SLC1A6: variants seen among roughly 807,000 people sequenced by gnomAD.
SLC1A6 encodes solute carrier family 1 member 6.
In SLC1A6, 15 loss-of-function variants were observed where a neutral mutation model predicts 42.1. That is an observed-to-expected ratio of 0.36 (90% CI 0.24 to 0.55). SLC1A6 has a LOEUF of 0.55. SLC1A6 is among the 20% of genes least tolerant of loss of function. The probability of loss-of-function intolerance (pLI) is 0.88; values close to 1 mark genes in which losing one functional copy is unlikely to be tolerated. For synonymous variants in SLC1A6, 317 were observed against 319.7 expected (o/e 0.99, Z 0.09); for missense variants, 542 against 772.5 (o/e 0.70, Z 3.54).
At chr19:14,995,374 AGGG>A (rs2045841144) in intron 1 of SLC1A6, among the ~76,000 whole-genome samples, 6 of 147,962 alleles carry the variant, frequency 4.1e-5, no homozygotes, top group African/African-American at 1.2e-4. Context: ...AGAAAAGGGA[AGGG>A]AAGGGAAGGG....
intron 1 of SLC1A6, among the ~76,000 whole-genome samples, chr19:15,004,015 G>C (rs188029819): frequency 1.3e-5 from 2 of 152,038 alleles, no homozygotes; most frequent in African/African-American, 2.4e-5. Flanking sequence ...AATTAGCTGG[G>C]CGTGGTGGTG....
intron 1 of SLC1A6, chr19:14,978,199 C>T (rs1259718520): frequency 6.6e-6 from 1 of 152,152 alleles, no homozygotes; most frequent in African/African-American, 2.4e-5. Context: ...TGGGTCTTTC[C>T]CACTTGGTTC....
chr19:14,965,843 C>T (rs1226477731), intron 4 of SLC1A6, among the ~76,000 whole-genome samples: 1 of 98,918 alleles, frequency 1.0e-5, no homozygotes, highest in African/African-American at 4.5e-5. Context: ...GAGTGAGACT[C>T]TGTTTCAAAA....
In SLC1A6 at chr19:14,956,610, G is replaced by A. The variant is rs201863659; in HGVS notation, c.1035C>T (p.Thr345=). 18 of 1,613,714 alleles carry A rather than the reference G, an allele frequency of 1.1e-5. No individual in the cohort carries two copies. In the Middle Eastern group the frequency reaches 4.9e-4, roughly 44 times the overall value. The change falls in exon 7 of 10, where the codon ACC becomes ACT. Residue 345 remains threonine, a synonymous_variant. Coordinates refer to ENST00000594383, the MANE Select transcript of SLC1A6 (RefSeq NM_005071.3). ...LGGQLGMYTL[T]VIVGLFLHAG... ...CATGGAGGAACAGGCCCACGATGAC[G>A]GTCAGGGTGTACATGCCCAGCTGAC...
intron 1 of SLC1A6, among the ~76,000 whole-genome samples, chr19:15,001,244 G>A (rs1188069786): frequency 6.6e-6 from 1 of 152,152 alleles, no homozygotes; most frequent in Non-Finnish European, 1.5e-5. Flanking sequence ...ATTCTAGAGA[G>A]GGAAGGAAAA....
At chr19:14,976,480 A>T (rs1051133391) in intron 1 of SLC1A6, among the ~76,000 whole-genome samples, 1 of 152,224 alleles carries the variant, frequency 6.6e-6, no homozygotes, top group African/African-American at 2.4e-5. Context: ...CACACATACA[A>T]CTGGAGGCCA....
chr19:14,976,252 A>G (rs1446590300), intron 1 of SLC1A6, among the ~76,000 whole-genome samples: 1 of 152,238 alleles, frequency 6.6e-6, no homozygotes. Flanking sequence ...AATATTCGCA[A>G]TCGCCTAGAT....
chr19:14,963,424 T>C (rs1429679698), intron 5 of SLC1A6, among the ~76,000 whole-genome samples: 2 of 152,190 alleles, frequency 1.3e-5, no homozygotes, highest in Admixed American at 1.3e-4. Context: ...ATTGTGTATT[T>C]GAAAATCACC....
intron 3 of SLC1A6, 64 bp from the exon 4 acceptor site, chr19:14,968,571 C>T (rs2045601045): frequency 4.4e-6 from 6 of 1,359,648 alleles, no homozygotes; most frequent in Non-Finnish European, 5.0e-6. Context: ...CTCCTAGCAT[C>T]CGTTCCACCC....
chr19:14,962,047 T>A lies in SLC1A6; in HGVS notation c.890A>T (p.Asp297Val), dbSNP rs917967748. Residue 297 changes from aspartate to valine, a missense_variant, in exon 6 of 10, where the codon GAC (aspartate) becomes GTC (valine). Coordinates refer to ENST00000594383, the MANE Select transcript of SLC1A6 (RefSeq NM_005071.3). ...CCTCATAATAGCCTCATTGAGGCTG[T>A]CGAAGAAGTCCCTGAGGACTCTGCC... Reference protein sequence around the residue: ...HKGRVLRDFFDSLNEAIMRLV... With the variant: ...HKGRVLRDFFVSLNEAIMRLV... The A allele has an allele frequency of 1.2e-6, 2 of 1,614,010 alleles. No homozygotes were observed. Among genetic ancestry groups the A allele is most frequent in the African/African-American group, 2.7e-5 (2 of 74,914 alleles).
chr19:14,983,529 A>C (rs1040212933), upstream of SLC1A6, among the ~76,000 whole-genome samples: 7 of 151,768 alleles, frequency 4.6e-5, no homozygotes, highest in Admixed American at 1.3e-4. Flanking sequence ...TCTCCACAAA[A>C]AATTTTAAAA....
In SLC1A6 at chr19:14,955,273, G is replaced by C. The variant is rs528310029; in HGVS notation, c.1170-944C>G. The stretch of plus-strand genomic sequence containing the variant: ...AGGCACATTCCCTGACCAGCGTTAT[G>C]GGCAATTTTAAAAATTATATTTTTG... On this transcript the variant is annotated intron_variant, in intron 7 of 9. Coordinates refer to ENST00000594383, the MANE Select transcript of SLC1A6 (RefSeq NM_005071.3). Among the ~76,000 whole-genome samples the C allele has an allele frequency of 4.6e-5, 7 of 152,178 alleles. No homozygotes were observed. The East Asian group carries it at 1.4e-3, about 29-fold the overall frequency.
chr19:14,976,705 G>A (rs2045715093), intron 1 of SLC1A6: 2 of 151,810 alleles, frequency 1.3e-5, no homozygotes, highest in Admixed American at 1.3e-4. Flanking sequence ...ACTTCCTAAG[G>A]GATCAAGGCT....
At chr19:14,994,041 C>T (rs1251870434) in intron 1 of SLC1A6, among the ~76,000 whole-genome samples, 3 of 152,136 alleles carry the variant, frequency 2.0e-5, no homozygotes, top group Admixed American at 2.0e-4. Context: ...CTCTCAACCC[C>T]AGATAAGCCC....
intron 3 of SLC1A6, among the ~76,000 whole-genome samples, chr19:14,970,263 G>T (rs1228248039): frequency 6.6e-6 from 1 of 151,986 alleles, no homozygotes; most frequent in East Asian, 1.9e-4. Flanking sequence ...TAGAGATGGA[G>T]TCTCACTGTG....
intron 1 of SLC1A6, among the ~76,000 whole-genome samples, chr19:14,990,544 C>A (rs917209220): frequency 6.6e-6 from 1 of 152,172 alleles, no homozygotes; most frequent in East Asian, 1.9e-4. Context: ...CCGAGGCAGG[C>A]GGATCACCTG....
At chr19:14,970,643 G>A (rs927796542) in intron 3 of SLC1A6, among the ~76,000 whole-genome samples, 3 of 151,866 alleles carry the variant, frequency 2.0e-5, no homozygotes, top group Admixed American at 1.3e-4. Context: ...CCCAGGAGGC[G>A]GTGCTTGCAG....
At position 14,979,055 on chromosome 19, in the gene SLC1A6, C is replaced by CAT. The variant is rs2045743863; in HGVS notation, c.-8+253_-8+254insAT. ...TCAGTCTCTCTCTCTCTCTGTCACA[C>CAT]ACACACACACACACACACACACACA... On this transcript the variant is annotated intron_variant, in intron 1 of 9. Coordinates refer to ENST00000594383, the MANE Select transcript of SLC1A6 (RefSeq NM_005071.3). This position sits in a 1 kb window ranked among gnomAD's most constrained non-coding sequence, Gnocchi z 4.2. Among the ~76,000 whole-genome samples, 1 of 36,544 alleles carries CAT rather than the reference C, an allele frequency of 2.7e-5. No individual in the cohort carries two copies. Among genetic ancestry groups the CAT allele is most frequent in the African/African-American group, 3.0e-4 (1 of 3,284 alleles). The allele number at this position is 36,544 out of a possible 152,430, so 24.0% of individuals were successfully genotyped here. A position where few individuals can be genotyped will look rare whatever the true frequency, so the allele number is the denominator to read the frequency against.
At chr19:14,970,711 A>C (rs138717771) in intron 3 of SLC1A6, among the ~76,000 whole-genome samples, 1 of 109,666 alleles carries the variant, frequency 9.1e-6, no homozygotes, top group East Asian at 2.9e-4. Flanking sequence ...ACTCTGTCTC[A>C]AAAAAAAAAA....
Sources: allele counts gnomAD v4.1 joint callset (sites outside exome capture counted in the v4.1 genomes callset), GRCh38; gene constraint gnomAD v4.1.1; non-coding constraint Gnocchi (gnomAD v3.1); transcripts MANE v1.5; gene names NCBI Gene and HGNC (gene_info 2026-07-23, HGNC 2026-07-21).